CNTN4: variants seen among roughly 807,000 people sequenced by gnomAD.
The protein encoded by CNTN4 is contactin 4.
In CNTN4, 77 loss-of-function variants were observed where a neutral mutation model predicts 122.5. The observed-to-expected ratio is 0.63, with a 90% CI of 0.52 to 0.76. CNTN4 has a LOEUF of 0.76. Among genes scored for constraint, CNTN4 ranks in the 30% least tolerant of loss-of-function variants. The probability of loss-of-function intolerance (pLI) is 0.00; values close to 1 mark genes in which losing one functional copy is unlikely to be tolerated. For synonymous variants in CNTN4, 512 were observed against 447.0 expected (o/e 1.15, Z -1.83); for missense variants, 1,256 against 1,259.1 (o/e 1.00, Z 0.04).
chr3:2,995,167 C>G (rs867068664), intron 14 of CNTN4, among the ~76,000 whole-genome samples: 1 of 151,748 alleles, frequency 6.6e-6, no homozygotes, highest in Non-Finnish European at 1.5e-5. Context: ...GATCTGTCAC[C>G]CTGGAGTTGG....
chr3:2,747,388 G>A lies in CNTN4; in HGVS notation c.358+1691G>A, dbSNP rs1030508707. 6.6e-5 allele frequency among the ~76,000 whole-genome samples: 10 copies of A among 150,504 alleles called. No individual in the cohort carries two copies. In the South Asian group the frequency reaches 1.7e-3, roughly 25 times the overall value. ...GGCGCCACTGGACTCCAGCCTGGGCGACAGAGCGAGACTCCGTCTAAAAAA... is the reference window on the plus strand; with the variant it reads ...GGCGCCACTGGACTCCAGCCTGGGCAACAGAGCGAGACTCCGTCTAAAAAA... On this transcript the variant is annotated intron_variant, in intron 6 of 24. Coordinates refer to ENST00000418658, the MANE Select transcript of CNTN4 (RefSeq NM_175607.3).
At chr3:2,917,362 C>T (rs1407139620) in intron 12 of CNTN4, among the ~76,000 whole-genome samples, 2 of 151,826 alleles carry the variant, frequency 1.3e-5, no homozygotes, top group African/African-American at 4.8e-5. Context: ...GAGACGGAGA[C>T]GGAGAGGTGT....
At chr3:2,366,627 T>C (rs972930772) in intron 3 of CNTN4, among the ~76,000 whole-genome samples, 2 of 151,950 alleles carry the variant, frequency 1.3e-5, no homozygotes, top group Non-Finnish European at 2.9e-5. Context: ...CTCGGGAAAC[T>C]GAGGCAGGAG....
intron 3 of CNTN4, among the ~76,000 whole-genome samples, chr3:2,472,407 G>GT (rs1408859051): frequency 1.3e-5 from 2 of 151,922 alleles, no homozygotes; most frequent in Non-Finnish European, 2.9e-5. Context: ...ACCCAGCTAA[G>GT]TTTTGTATTT....
At chr3:2,547,665 A>T (rs978690609) in intron 3 of CNTN4, among the ~76,000 whole-genome samples, 3 of 152,142 alleles carry the variant, frequency 2.0e-5, no homozygotes, top group African/African-American at 7.2e-5. Flanking sequence ...GCTCAACTGG[A>T]AAAACACTTA....
intron 2 of CNTN4, among the ~76,000 whole-genome samples, chr3:2,149,736 A>G (rs1280747734): frequency 6.6e-6 from 1 of 152,168 alleles, no homozygotes; most frequent in African/African-American, 2.4e-5. Context: ...TCCCTGTAAT[A>G]TAAAATTAAT....
chr3:2,335,637 C>G (rs571762465), intron 2 of CNTN4, among the ~76,000 whole-genome samples: 10 of 149,992 alleles, frequency 6.7e-5, no homozygotes, highest in Admixed American at 2.0e-4. Context: ...GGGTATCTAC[C>G]TACTTGAATC....
intron 3 of CNTN4, among the ~76,000 whole-genome samples, chr3:2,360,934 G>A (rs1461827023): frequency 1.3e-5 from 2 of 152,188 alleles, no homozygotes; most frequent in African/African-American, 4.8e-5. Flanking sequence ...GTCTGAAAGA[G>A]TGGTGTGGGG....
intron 4 of CNTN4, among the ~76,000 whole-genome samples, chr3:2,734,733 T>C (rs943078626): frequency 1.3e-5 from 2 of 152,070 alleles, no homozygotes; most frequent in East Asian, 1.9e-4. Context: ...AAACCAACTT[T>C]ATTCTTTTTT....
intron 12 of CNTN4, among the ~76,000 whole-genome samples, chr3:2,909,625 C>G (rs73114634): frequency 2.0e-5 from 3 of 152,226 alleles, no homozygotes; most frequent in African/African-American, 7.2e-5. Context: ...TTCCTTAAAG[C>G]TCCCCAGGTG....
chr3:2,149,129 C>T (rs1466826415), intron 2 of CNTN4, among the ~76,000 whole-genome samples: 1 of 151,856 alleles, frequency 6.6e-6, no homozygotes, highest in Non-Finnish European at 1.5e-5. Flanking sequence ...GGCAAATTTC[C>T]CAGTGTGTGA....
chr3:2,890,534 C>T (rs1247673751), intron 10 of CNTN4, among the ~76,000 whole-genome samples: 2 of 152,222 alleles, frequency 1.3e-5, no homozygotes, highest in Non-Finnish European at 2.9e-5. Flanking sequence ...CAGCTCTCCA[C>T]TTCAGCAACC....
intron 4 of CNTN4, among the ~76,000 whole-genome samples, chr3:2,664,275 G>A (rs2084041570): frequency 6.6e-6 from 1 of 151,896 alleles, no homozygotes; most frequent in Non-Finnish European, 1.5e-5. Flanking sequence ...AGCTTCTGGA[G>A]GCAAAATTCA....
At chr3:2,524,221 A>G (rs75097328) in intron 3 of CNTN4, among the ~76,000 whole-genome samples, 10,527 of 152,180 alleles carry the variant, frequency 0.069, 398 homozygotes, top group East Asian at 0.15. Context: ...TTTTATATAA[A>G]TGGAATCATA....
intron 4 of CNTN4, chr3:2,735,787 CTTCT>C (rs1256996171): frequency 2.8e-6 from 1 of 355,072 alleles, no homozygotes; most frequent in Non-Finnish European, 5.5e-6. Flanking sequence ...ATCGTCCTTG[CTTCT>C]TTCTAATTTT....
intron 2 of CNTN4, among the ~76,000 whole-genome samples, chr3:2,212,520 C>T (rs533787642): frequency 2.0e-5 from 3 of 152,200 alleles, no homozygotes; most frequent in East Asian, 3.9e-4. Context: ...ATTTATAAAA[C>T]CATCAGATCT....
At chr3:2,479,631 A>C (rs189357265) in intron 3 of CNTN4, among the ~76,000 whole-genome samples, 181 of 152,300 alleles carry the variant, frequency 1.2e-3, no homozygotes, top group Admixed American at 2.4e-3. Context: ...AGGGACTTGC[A>C]TGCTAGGAGA....
Position 3,034,696 on chromosome 3 carries a change from C to T in CNTN4, c.1848C>T (p.Ser616=), listed in dbSNP as rs1166779200. ...DEITDTTAQL[S]WRPGPDNHSP... is the part of the protein sequence containing the mutation. ...TCACAGATACCACTGCTCAGCTCTC[C>T]TGGAGACCCGGGCCTGACAACCACA... The change falls in exon 17 of 25, where the codon TCC becomes TCT. Residue 616 remains serine, a synonymous_variant. Transcript: ENST00000418658. 6.2e-7 allele frequency: 1 copy of T among 1,613,964 alleles called. No individual in the cohort carries two copies. Among genetic ancestry groups the T allele is most frequent in the Non-Finnish European group, 8.5e-7 (1 of 1,180,000 alleles).
chr3:2,525,257 T>C (rs748559103), intron 3 of CNTN4, among the ~76,000 whole-genome samples: 1 of 152,150 alleles, frequency 6.6e-6, no homozygotes, highest in Non-Finnish European at 1.5e-5. Context: ...CTGCCTTTTC[T>C]TTTTCCAATT....
Sources: gnomAD v4.1 joint callset for allele counts (sites outside exome capture counted in the v4.1 genomes callset) on GRCh38, gnomAD v4.1.1 for gene constraint, MANE v1.5 for transcripts, NCBI Gene and HGNC (gene_info 2026-07-23, HGNC 2026-07-21) for gene names.